The following ACTR3C variants were observed in gnomAD, a reference collection of about 807,000 sequenced individuals.
ACTR3C encodes actin related protein 3C.
In ACTR3C, 18 loss-of-function variants were observed where a neutral mutation model predicts 26.3. The observed-to-expected ratio is 0.68, with a 90% CI of 0.47 to 1.01. The LOEUF (loss-of-function observed/expected upper bound fraction) is 1.01, where lower values mean the gene tolerates loss of function less well. ACTR3C is among the 50% of genes least tolerant of loss of function. ACTR3C has a pLI of 0.00. For synonymous variants in ACTR3C, 55 were observed against 94.5 expected, an observed-to-expected ratio of 0.58 and a Z score of 2.42; for missense variants, 184 against 250.7, an observed-to-expected ratio of 0.73 and a Z score of 1.80.
chr7:150,163,558 C>CAT, the ACTR3C span, among the ~76,000 whole-genome samples: 24 of 151,270 alleles, frequency 1.6e-4, 1 homozygote, highest in South Asian at 6.3e-4. Flanking sequence ...ATATATAATA[C>CAT]ATATATATAT....
chr7:150,103,926 C>T, the ACTR3C span, among the ~76,000 whole-genome samples: 4 of 151,904 alleles, frequency 2.6e-5, no homozygotes, highest in African/African-American at 7.3e-5. Context: ...TACCTTTTGT[C>T]GTTTGTAGAC....
At chr7:150,230,086 G>A in the ACTR3C span, among the ~76,000 whole-genome samples, 1 of 150,960 alleles carries the variant, frequency 6.6e-6, no homozygotes, top group East Asian at 2.0e-4. Flanking sequence ...TAAGCCAGGA[G>A]TGATGATGGG....
chr7:149,888,837 G>A, the ACTR3C span, among the ~76,000 whole-genome samples: 858 of 152,100 alleles, frequency 5.6e-3, 8 homozygotes, highest in African/African-American at 0.019. Context: ...GTGAAACCCC[G>A]TCTCTACTAA....
the ACTR3C span, among the ~76,000 whole-genome samples, chr7:149,900,919 G>A: frequency 6.6e-6 from 1 of 152,050 alleles, no homozygotes. Flanking sequence ...TGTAATCCCA[G>A]CTACTCAGGA....
the ACTR3C span, among the ~76,000 whole-genome samples, chr7:149,997,633 G>A: frequency 6.6e-6 from 1 of 150,534 alleles, no homozygotes. Flanking sequence ...TAATAGAGTC[G>A]ATTATCCTCT....
chr7:149,948,818 C>T, the ACTR3C span, among the ~76,000 whole-genome samples: 2,060 of 151,538 alleles, frequency 0.014, 23 homozygotes, highest in African/African-American at 0.047. Context: ...CTTCACGGTC[C>T]GCTCTGGCTC....
the ACTR3C span, among the ~76,000 whole-genome samples, chr7:150,014,395 G>T: frequency 6.8e-6 from 1 of 147,930 alleles, no homozygotes; most frequent in Non-Finnish European, 1.5e-5. Context: ...GACAGAGCTT[G>T]CAGTGAGCTG....
the ACTR3C span, among the ~76,000 whole-genome samples, chr7:150,017,997 G>A: frequency 6.7e-6 from 1 of 150,196 alleles, no homozygotes; most frequent in South Asian, 2.1e-4. Context: ...TGCTGAACAG[G>A]TAACAGGTGC....
chr7:150,279,559 C>T (rs1835147576), intron 6 of ACTR3C, among the ~76,000 whole-genome samples: 1 of 151,416 alleles, frequency 6.6e-6, no homozygotes, highest in South Asian at 2.1e-4. Context: ...GCTGGTCCCA[C>T]CCTCCCTCCT....
the ACTR3C span, among the ~76,000 whole-genome samples, chr7:149,917,710 C>T: frequency 7.1e-6 from 1 of 140,010 alleles, no homozygotes; most frequent in Non-Finnish European, 1.5e-5. Flanking sequence ...AATCATAGCT[C>T]ATTGCAGCAT....
chr7:150,313,557 C>CG (rs1554471239), intron 1 of ACTR3C, among the ~76,000 whole-genome samples: 1 of 152,118 alleles, frequency 6.6e-6, no homozygotes, highest in Non-Finnish European at 1.5e-5. Context: ...ATGTTAATTC[C>CG]GGTTAGCTCT....
chr7:149,997,958 T>C, the ACTR3C span, among the ~76,000 whole-genome samples: 2 of 150,614 alleles, frequency 1.3e-5, no homozygotes, highest in Non-Finnish European at 3.0e-5. Context: ...CTAGTGCAAG[T>C]ATCATTATCA....
chr7:150,018,635 A>C, the ACTR3C span, among the ~76,000 whole-genome samples: 3 of 150,312 alleles, frequency 2.0e-5, no homozygotes. Flanking sequence ...TTAACAACAA[A>C]AAAAATCCCC....
the ACTR3C span, among the ~76,000 whole-genome samples, chr7:150,172,156 T>C: frequency 6.6e-6 from 1 of 150,756 alleles, no homozygotes; most frequent in Non-Finnish European, 1.5e-5. Context: ...TAAGAAAATT[T>C]TAAGGGCACC....
At chr7:150,000,889 A>G in the ACTR3C span, 2 of 138,762 alleles carry the variant, frequency 1.4e-5, no homozygotes, top group African/African-American at 5.1e-5. Flanking sequence ...TGTAGCGTGA[A>G]CGATGAGTGA....
the ACTR3C span, among the ~76,000 whole-genome samples, chr7:149,948,412 A>T: frequency 0.053 from 7,891 of 148,402 alleles, 91 homozygotes; most frequent in African/African-American, 0.18. Flanking sequence ...ACTTTCCAGA[A>T]GAGGCAGGTG....
the ACTR3C span, among the ~76,000 whole-genome samples, chr7:150,127,618 A>G: frequency 6.6e-6 from 1 of 152,346 alleles, no homozygotes; most frequent in Admixed American, 6.5e-5. Flanking sequence ...GAATGCTTAA[A>G]TAAAATACCA....
At chr7:150,253,663 T>C (rs2530996) in intron 6 of ACTR3C, among the ~76,000 whole-genome samples, 24,987 of 150,820 alleles carry the variant, frequency 0.17, 4,343 homozygotes, top group African/African-American at 0.44. Context: ...AAATTAATAA[T>C]GGGATAGTAA....
At chr7:150,057,298 G>A in the ACTR3C span, among the ~76,000 whole-genome samples, 1 of 50,202 alleles carries the variant, frequency 2.0e-5, no homozygotes, top group Non-Finnish European at 4.0e-5. Flanking sequence ...TTTTTTTTTT[G>A]AGATGGAGTT....
Sources: allele counts gnomAD v4.1 joint callset (sites outside exome capture counted in the v4.1 genomes callset), GRCh38; gene constraint gnomAD v4.1.1; transcripts MANE v1.5; gene names NCBI Gene and HGNC (gene_info 2026-07-23, HGNC 2026-07-21).